The following NACC2 variants were observed in gnomAD, a reference collection of about 807,000 sequenced individuals.
NACC2 encodes nucleus accumbens-associated protein 2.
Under a neutral mutation model 25.1 loss-of-function variants are expected in NACC2, and 8 were observed. The ratio of observed to expected loss-of-function variants is 0.32; its 90% confidence interval spans 0.19 to 0.57. The LOEUF (loss-of-function observed/expected upper bound fraction) is 0.57, where lower values mean the gene tolerates loss of function less well. Among genes scored for constraint, NACC2 ranks in the 20% least tolerant of loss-of-function variants. The pLI, the probability that NACC2 is intolerant of heterozygous loss-of-function variation, is 0.89. For missense variants in NACC2, 644 were observed against 650.2 expected, an observed-to-expected ratio of 0.99 and a Z score of 0.10; for synonymous variants, 435 against 294.7, an observed-to-expected ratio of 1.48 and a Z score of -4.88.
intron 1 of NACC2, among the ~76,000 whole-genome samples, chr9:136,082,184 AG>A (rs1164919095): frequency 1.3e-5 from 2 of 152,186 alleles, no homozygotes; most frequent in Non-Finnish European, 2.9e-5. Context: ...GGTGGGGCTG[AG>A]GGATGCCCCC....
intron 1 of NACC2, among the ~76,000 whole-genome samples, chr9:136,051,274 C>T (rs1840830051): frequency 6.6e-6 from 1 of 152,164 alleles, no homozygotes; most frequent in African/African-American, 2.4e-5. Flanking sequence ...CTCCCGTGCT[C>T]TCCTGGCTCG....
intron 1 of NACC2, among the ~76,000 whole-genome samples, chr9:136,094,790 G>A (rs1195803199): frequency 2.0e-5 from 3 of 151,938 alleles, no homozygotes; most frequent in African/African-American, 7.2e-5. Context: ...TCCCCACCCG[G>A]AGGGCTGGAT....
intron 2 of NACC2, among the ~76,000 whole-genome samples, chr9:136,039,931 C>G (rs1452924161): frequency 2.6e-5 from 4 of 151,956 alleles, no homozygotes; most frequent in Non-Finnish European, 5.9e-5. Flanking sequence ...GTAAAACTGT[C>G]TTTATTCACA....
chr9:136,037,537 TA>T (rs1840572108), intron 2 of NACC2, among the ~76,000 whole-genome samples: 1 of 150,580 alleles, frequency 6.6e-6, no homozygotes, highest in Non-Finnish European at 1.5e-5. Context: ...AGACAGAGTC[TA>T]GCTCTGTCAC....
In NACC2 at chr9:136,007,298, C is replaced by A. The variant is rs1299041229; in HGVS notation, c.*4218G>T. Reference sequence around the variant, plus strand: ...ACGAAAAACCTTTGCCATTTTAGAACCATCTTGTACCAAACCCTAAATGCT... The same window carrying A: ...ACGAAAAACCTTTGCCATTTTAGAAACATCTTGTACCAAACCCTAAATGCT... On this transcript the variant is annotated 3_prime_UTR_variant, in exon 6 of 6. Coordinates refer to ENST00000277554, the MANE Select transcript of NACC2 (RefSeq NM_144653.5). 1 of 154,416 alleles carries A rather than the reference C, an allele frequency of 6.5e-6. No individual in the cohort carries two copies. The highest frequency in any genetic ancestry group is 1.9e-4 in the East Asian group (1 of 5,202). 9.6% of individuals were successfully genotyped at this position (154,416 alleles called of 1,614,324 possible). A position where few individuals can be genotyped will look rare whatever the true frequency, so the allele number is the denominator to read the frequency against.
At chr9:136,091,090 C>T (rs953755909) in intron 1 of NACC2, among the ~76,000 whole-genome samples, 1 of 152,334 alleles carries the variant, frequency 6.6e-6, no homozygotes, top group Non-Finnish European at 1.5e-5. Context: ...CCTGTGGGTC[C>T]CTGCAAACAA....
Position 136,010,369 on chromosome 9 carries a change from C to G in NACC2, c.*1147G>C, listed in dbSNP as rs1840085531. 1.3e-5 allele frequency: 2 copies of G among 153,210 alleles called. No individual in the cohort carries two copies. Among genetic ancestry groups the G allele is most frequent in the South Asian group, 2.1e-4 (1 of 4,870 alleles). 9.5% of individuals were successfully genotyped at this position (153,210 alleles called of 1,614,324 possible). On this transcript the variant is annotated 3_prime_UTR_variant, in exon 6 of 6. Transcript: ENST00000277554. The surrounding 1 kb of genome is among the most constrained non-coding windows in gnomAD (Gnocchi z 4.9). The stretch of plus-strand genomic sequence containing the variant: ...GACTCTCGCCCTGGCCCAGCCCTGG[C>G]CGCTGCCTCCTGCCCGAGCGGAGTC...
chr9:136,025,858 T>G (rs1037937769), intron 2 of NACC2, among the ~76,000 whole-genome samples: 1 of 152,042 alleles, frequency 6.6e-6, no homozygotes, highest in Non-Finnish European at 1.5e-5. Context: ...GAGGTTGCAG[T>G]GAGCTGAGAT....
rs1175608060 is a variant in NACC2, at chr9:136,084,740, T to C, written c.-60+10449A>G. 6.6e-6 allele frequency among the ~76,000 whole-genome samples: 1 copy of C among 151,928 alleles called. No individual in the cohort carries two copies. The highest frequency in any genetic ancestry group is 1.5e-5 in the Non-Finnish European group (1 of 67,984). On this transcript the variant is annotated intron_variant, in intron 1 of 5. Coordinates refer to ENST00000277554, the MANE Select transcript of NACC2 (RefSeq NM_144653.5). The surrounding 1 kb of genome is among the most constrained non-coding windows in gnomAD (Gnocchi z 5.1). ...ATGGCGGCGGGCGCACACACACACATACATCACGCAGCCTGGAGAAGGGAC... is the reference window on the plus strand; with the variant it reads ...ATGGCGGCGGGCGCACACACACACACACATCACGCAGCCTGGAGAAGGGAC...
At chr9:136,060,956 G>A (rs1841002179) in intron 1 of NACC2, among the ~76,000 whole-genome samples, 1 of 152,222 alleles carries the variant, frequency 6.6e-6, no homozygotes, top group South Asian at 2.1e-4. Context: ...AAGGGGGAGG[G>A]GAGGGTGTCA....
chr9:136,010,666 A>G lies in NACC2; in HGVS notation c.*850T>C, dbSNP rs1328999838. The G allele has an allele frequency of 6.6e-6, 1 of 152,246 alleles. No individual in the cohort carries two copies. The highest frequency in any genetic ancestry group is 6.5e-5 in the Admixed American group (1 of 15,282). The allele number at this position is 152,246 out of a possible 1,614,324, so 9.4% of individuals were successfully genotyped here. ...TAAATTACAACAAAACCTAAAAAAA[A>G]CAAGACAAGCATAATCCCAAAGTGG... On this transcript the variant is annotated 3_prime_UTR_variant, in exon 6 of 6. Transcript: ENST00000277554. The surrounding 1 kb of genome is among the most constrained non-coding windows in gnomAD (Gnocchi z 4.9).
chr9:136,035,352 G>A (rs1373668715), intron 2 of NACC2, among the ~76,000 whole-genome samples: 1 of 151,984 alleles, frequency 6.6e-6, no homozygotes, highest in Non-Finnish European at 1.5e-5. Flanking sequence ...AGGTTCCGCT[G>A]CTGTGAATTG....
intron 2 of NACC2, among the ~76,000 whole-genome samples, chr9:136,021,859 G>A (rs1840299966): frequency 6.6e-6 from 1 of 152,234 alleles, no homozygotes. Context: ...ACATACTGGT[G>A]ATCCCATTTG....
intron 2 of NACC2, among the ~76,000 whole-genome samples, chr9:136,048,844 A>T (rs1588571011): frequency 6.6e-6 from 1 of 152,148 alleles, no homozygotes; most frequent in Non-Finnish European, 1.5e-5. Context: ...GGTGGGGTGG[A>T]GAGAGTCCCT....
chr9:136,078,346 C>T (rs117660618), intron 1 of NACC2, among the ~76,000 whole-genome samples: 381 of 152,320 alleles, frequency 2.5e-3, no homozygotes, highest in Non-Finnish European at 4.6e-3. Context: ...GGGACAGGCA[C>T]ATCTGGGGGC....
chr9:136,048,236 C>T (rs969654110), intron 2 of NACC2, among the ~76,000 whole-genome samples: 1 of 152,212 alleles, frequency 6.6e-6, no homozygotes, highest in East Asian at 1.9e-4. Flanking sequence ...TGGGAGCCTT[C>T]CCCAGCAGCC....
chr9:136,020,656 A>T lies in NACC2; in HGVS notation c.887-4227T>A, dbSNP rs1187713716. Among the ~76,000 whole-genome samples the T allele has an allele frequency of 2.0e-5, 3 of 152,208 alleles. No homozygotes were observed. The highest frequency in any genetic ancestry group is 4.4e-5 in the Non-Finnish European group (3 of 68,038). ...TGATGATACAGAAATATACAACTTAAATGCAAATGGACAGAACAGTGCTGA... is the reference window on the plus strand; with the variant it reads ...TGATGATACAGAAATATACAACTTATATGCAAATGGACAGAACAGTGCTGA... On this transcript the variant is annotated intron_variant, in intron 2 of 5. Coordinates refer to ENST00000277554, the MANE Select transcript of NACC2 (RefSeq NM_144653.5). The surrounding 1 kb of genome is among the most constrained non-coding windows in gnomAD (Gnocchi z 4.7).
intron 1 of NACC2, among the ~76,000 whole-genome samples, chr9:136,065,374 C>A (rs1841067603): frequency 6.6e-6 from 1 of 152,198 alleles, no homozygotes; most frequent in Non-Finnish European, 1.5e-5. Context: ...AATCCCAGCA[C>A]TTTGGGAGGC....
rs1472978032 is a variant in NACC2, at chr9:136,020,930, C to T, written c.887-4501G>A. Among the ~76,000 whole-genome samples, 1 of 152,116 alleles carries T rather than the reference C, an allele frequency of 6.6e-6. No homozygotes were observed. Among genetic ancestry groups the T allele is most frequent in the Non-Finnish European group, 1.5e-5 (1 of 68,036 alleles). Reference sequence around the variant, plus strand: ...GCACCAAAACCACCCTCCGTCTCAGCCTCGCACCCTACACAAAAACTGCAG... The same window carrying T: ...GCACCAAAACCACCCTCCGTCTCAGTCTCGCACCCTACACAAAAACTGCAG... On this transcript the variant is annotated intron_variant, in intron 2 of 5. Transcript: ENST00000277554. The surrounding 1 kb of genome is among the most constrained non-coding windows in gnomAD (Gnocchi z 4.7).
Sources: gnomAD v4.1 joint callset for allele counts (sites outside exome capture counted in the v4.1 genomes callset) on GRCh38, gnomAD v4.1.1 for gene constraint, Gnocchi (gnomAD v3.1) non-coding constraint, MANE v1.5 for transcripts, NCBI Gene and HGNC (gene_info 2026-07-23, HGNC 2026-07-21) for gene names.